STARD13: variants seen among roughly 807,000 people sequenced by gnomAD.
The protein encoded by STARD13 is StAR related lipid transfer domain containing 13.
In STARD13, 62 loss-of-function variants were observed where a neutral mutation model predicts 106.4. That is an observed-to-expected ratio of 0.58 (90% CI 0.48 to 0.72). The LOEUF (loss-of-function observed/expected upper bound fraction) is 0.72, where lower values mean the gene tolerates loss of function less well. Among genes scored for constraint, STARD13 ranks in the 30% least tolerant of loss-of-function variants. STARD13 has a pLI of 0.00. For synonymous variants in STARD13, 565 were observed against 553.0 expected (o/e 1.02, Z -0.31); for missense variants, 1,387 against 1,424.0 (o/e 0.97, Z 0.42).
the STARD13 span, among the ~76,000 whole-genome samples, chr13:33,641,819 G>C: frequency 2.1e-4 from 32 of 152,142 alleles, no homozygotes; most frequent in East Asian, 6.0e-3. Context: ...TGTAACTTTT[G>C]GTAGCAAAAG....
chr13:33,237,526 C>A (rs180825443), intron 1 of STARD13, among the ~76,000 whole-genome samples: 237 of 152,302 alleles, frequency 1.6e-3, no homozygotes, highest in African/African-American at 5.4e-3. Flanking sequence ...TGAACTATTG[C>A]AATGAACTAT....
the STARD13 span, among the ~76,000 whole-genome samples, chr13:33,537,051 A>C: frequency 6.6e-6 from 1 of 151,876 alleles, no homozygotes; most frequent in Non-Finnish European, 1.5e-5. Context: ...TTACAAAAAC[A>C]ATTTCAGGAT....
the STARD13 span, among the ~76,000 whole-genome samples, chr13:33,397,232 C>CT: frequency 7.9e-5 from 12 of 151,734 alleles, no homozygotes; most frequent in South Asian, 4.2e-4. Context: ...TTTGGACAAT[C>CT]TTTTTTTTTC....
the STARD13 span, among the ~76,000 whole-genome samples, chr13:33,515,460 C>T: frequency 8.5e-5 from 13 of 152,186 alleles, 1 homozygote; most frequent in Middle Eastern, 0.024. Flanking sequence ...CACTTTTGTC[C>T]GTGTTCTCCA....
chr13:33,381,422 A>G, the STARD13 span, among the ~76,000 whole-genome samples: 3 of 152,222 alleles, frequency 2.0e-5, no homozygotes, highest in Non-Finnish European at 4.4e-5. Context: ...CATTCAGAAG[A>G]AAATGCTCAT....
chr13:33,633,427 T>G, the STARD13 span, among the ~76,000 whole-genome samples: 9 of 152,206 alleles, frequency 5.9e-5, no homozygotes, highest in Non-Finnish European at 4.4e-5. Flanking sequence ...CCTCTAAAGA[T>G]ATACATATAT....
chr13:33,600,684 T>A, the STARD13 span, among the ~76,000 whole-genome samples: 4 of 152,202 alleles, frequency 2.6e-5, no homozygotes, highest in African/African-American at 4.8e-5. Flanking sequence ...GATGTACACT[T>A]TTTACCAGAA....
chr13:33,189,749 G>A (rs190330819), intron 1 of STARD13, among the ~76,000 whole-genome samples: 1 of 151,702 alleles, frequency 6.6e-6, no homozygotes, highest in Non-Finnish European at 1.5e-5. Context: ...GCTTGACTCA[G>A]TTACTCTCTC....
chr13:33,431,336 T>A, the STARD13 span, among the ~76,000 whole-genome samples: 1,876 of 152,312 alleles, frequency 0.012, 36 homozygotes, highest in African/African-American at 0.043. Flanking sequence ...CAATAATTTT[T>A]ATTTTGATTA....
intron 1 of STARD13, among the ~76,000 whole-genome samples, chr13:33,270,108 T>C (rs1349874064): frequency 6.6e-6 from 1 of 152,060 alleles, no homozygotes; most frequent in East Asian, 1.9e-4. Context: ...TGGTGGCAGG[T>C]GCCTGTAATC....
In STARD13 at chr13:33,127,504, C is replaced by T. The variant is rs144551064; in HGVS notation, c.1791G>A (p.Arg597=). Residue 597 remains arginine (R), a synonymous_variant, in exon 6 of 14, where the codon CGG becomes CGA. Transcript: ENST00000336934. ...WNSFQLSHQP[R]PAPASPHISS... ...TGATGTGGGGCGATGCTGGGGCCGGCCGGGGCTGGTGCGACAGCTGGAAAC... is the reference window on the plus strand; with the variant it reads ...TGATGTGGGGCGATGCTGGGGCCGGTCGGGGCTGGTGCGACAGCTGGAAAC... 6.3e-6 allele frequency: 10 copies of T among 1,579,236 alleles called. No homozygotes were observed. The highest frequency in any genetic ancestry group is 4.0e-5 in the African/African-American group (3 of 74,334).
At chr13:33,449,898 A>G in the STARD13 span, among the ~76,000 whole-genome samples, 1 of 152,128 alleles carries the variant, frequency 6.6e-6, no homozygotes, top group Admixed American at 6.5e-5. Context: ...CACTATTGGC[A>G]TATAGAAATA....
chr13:33,109,718 C>T (rs1192777247), intron 12 of STARD13, among the ~76,000 whole-genome samples, 155 bp downstream of exon 12: 1 of 152,212 alleles, frequency 6.6e-6, no homozygotes, highest in African/African-American at 2.4e-5. Flanking sequence ...GGCATCGACA[C>T]AGAAAACTCA....
At chr13:33,632,660 A>G in the STARD13 span, among the ~76,000 whole-genome samples, 3 of 152,306 alleles carry the variant, frequency 2.0e-5, no homozygotes, top group East Asian at 3.9e-4. Context: ...TCACTGGCAT[A>G]TATTTTATTT....
At chr13:33,297,156 C>T (rs140036992) in intron 1 of STARD13, among the ~76,000 whole-genome samples, 8 of 152,346 alleles carry the variant, frequency 5.3e-5, no homozygotes, top group African/African-American at 1.2e-4. Context: ...TATCACAGCA[C>T]GCAGTGGCCT....
the STARD13 span, among the ~76,000 whole-genome samples, chr13:33,506,137 T>G: frequency 2.0e-5 from 3 of 152,128 alleles, no homozygotes; most frequent in Non-Finnish European, 4.4e-5. Context: ...GCAGTAAAAA[T>G]TTGTTTTCTT....
chr13:33,623,519 A>T, the STARD13 span, among the ~76,000 whole-genome samples: 1 of 151,676 alleles, frequency 6.6e-6, no homozygotes, highest in South Asian at 2.1e-4. Flanking sequence ...ATGTATGTAC[A>T]TACATACAAA....
chr13:33,565,760 C>CAATG, the STARD13 span, among the ~76,000 whole-genome samples: 1 of 148,240 alleles, frequency 6.7e-6, no homozygotes, highest in African/African-American at 2.5e-5. Context: ...TAACATCAGC[C>CAATG]AATGGCCAGG....
chr13:33,205,960 A>G (rs1015908818), intron 1 of STARD13: 1 of 985,270 alleles, frequency 1.0e-6, no homozygotes. Context: ...TCTCTTCGTT[A>G]TCTCTGCCAG....
Sources: allele counts gnomAD v4.1 joint callset (sites outside exome capture counted in the v4.1 genomes callset), GRCh38; gene constraint gnomAD v4.1.1; transcripts MANE v1.5; gene names NCBI Gene and HGNC (gene_info 2026-07-23, HGNC 2026-07-21).